AP1M1: variants seen among roughly 807,000 people sequenced by gnomAD.
The protein encoded by AP1M1 is adaptor related protein complex 1 subunit mu 1, also known as AP-1 complex subunit mu-1.
AP1M1 carries 18 observed loss-of-function variants against 57.1 expected under a neutral mutation model. The observed-to-expected ratio is 0.32, with a 90% confidence interval of 0.22 to 0.47. The LOEUF (loss-of-function observed/expected upper bound fraction) is 0.47, where lower values mean the gene tolerates loss of function less well. Among genes scored for constraint, AP1M1 ranks in the 20% least tolerant of loss-of-function variants. The pLI is 1.00. For missense variants in AP1M1, 362 were observed against 593.5 expected (o/e 0.61, Z 4.05); for synonymous variants, 241 against 237.9 (o/e 1.01, Z -0.12).
chr19:16,235,091 C>A lies in AP1M1; in HGVS notation c.*656C>A, dbSNP rs1482020862. The A allele has an allele frequency of 6.6e-6, 1 of 152,572 alleles. No individual in the cohort carries two copies. Among genetic ancestry groups the A allele is most frequent in the Non-Finnish European group, 1.5e-5 (1 of 68,320 alleles). 9.5% of individuals were successfully genotyped at this position (152,572 alleles called of 1,614,324 possible). A position where few individuals can be genotyped will look rare whatever the true frequency, so the allele number is the denominator to read the frequency against. The stretch of plus-strand genomic sequence containing the variant: ...GGGCCACTGTAGCGTCTGCCTGCTC[C>A]CTGGACTCGCAGGCCTCGCCTGTGG... On this transcript the variant is annotated 3_prime_UTR_variant, in exon 12 of 12. Transcript: ENST00000291439.
At chr19:16,205,272 A>C (rs2091464727) in intron 2 of AP1M1, among the ~76,000 whole-genome samples, 1 of 152,130 alleles carries the variant, frequency 6.6e-6, no homozygotes, top group Non-Finnish European at 1.5e-5. Flanking sequence ...ACACCTGGGC[A>C]TCTAGGGAAG....
rs1280262040 is a variant in AP1M1 at position 16,242,419 on chromosome 19, C to T, written c.*7984C>T. 2.0e-5 allele frequency: 3 copies of T among 152,158 alleles called. No individual in the cohort carries two copies. The highest frequency in any genetic ancestry group is 4.1e-4 in the South Asian group (2 of 4,830). The allele number at this position is 152,158 out of a possible 1,614,324, so 9.4% of individuals were successfully genotyped here. On this transcript the variant is annotated 3_prime_UTR_variant, in exon 12 of 12. Coordinates refer to ENST00000291439, the MANE Select transcript of AP1M1 (RefSeq NM_032493.4). Reference sequence around the variant, plus strand: ...AAACTGCACTGGGACTTTTGGGACACCCCTAGCATCTCTGGCTGCAGAAAG... The same window carrying T: ...AAACTGCACTGGGACTTTTGGGACATCCCTAGCATCTCTGGCTGCAGAAAG...
rs931650664 is a variant in AP1M1, at chr19:16,227,077, C to T, written c.674-471C>T. Reference sequence around the variant, plus strand: ...GCTGGGCATGCCCCCGTTCCTAGCCCGGTGAGGGCTTCTCGGGCATCAGTC... The same window carrying T: ...GCTGGGCATGCCCCCGTTCCTAGCCTGGTGAGGGCTTCTCGGGCATCAGTC... On this transcript the variant is annotated intron_variant, in intron 6 of 11. Coordinates refer to ENST00000291439, the MANE Select transcript of AP1M1 (RefSeq NM_032493.4). The surrounding 1 kb of genome is among the most constrained non-coding windows in gnomAD (Gnocchi z 6.2). Among the ~76,000 whole-genome samples the T allele has an allele frequency of 3.3e-5, 5 of 152,278 alleles. No homozygotes were observed. The highest frequency in any genetic ancestry group is 7.2e-5 in the African/African-American group (3 of 41,570).
Position 16,206,659 on chromosome 19 carries a change from C to T in AP1M1, c.267+251C>T, listed in dbSNP as rs1250902166. ...AAAGGTAGGGCTCAGAGCAGGGGTG[C>T]CCTGACCCTGGAAGGGACAAGCAGG... On this transcript the variant is annotated intron_variant, in intron 3 of 11. Transcript: ENST00000291439. This position sits in a 1 kb window ranked among gnomAD's most constrained non-coding sequence, Gnocchi z 4.3. Among the ~76,000 whole-genome samples the T allele has an allele frequency of 6.6e-6, 1 of 152,126 alleles. No homozygotes were observed. The highest frequency in any genetic ancestry group is 1.5e-5 in the Non-Finnish European group (1 of 68,028).
chr19:16,223,302 G>A (rs1000599645), intron 5 of AP1M1, among the ~76,000 whole-genome samples: 23 of 152,132 alleles, frequency 1.5e-4, no homozygotes, highest in Admixed American at 4.6e-4. Flanking sequence ...AAACTCTTTC[G>A]TAAGTCAAAC....
At chr19:16,221,004 T>G (rs1599461583) in intron 5 of AP1M1, among the ~76,000 whole-genome samples, 1 of 152,394 alleles carries the variant, frequency 6.6e-6, no homozygotes, top group Admixed American at 6.5e-5. Flanking sequence ...AGATGAGGTG[T>G]GCACATCTTT....
intron 2 of AP1M1, among the ~76,000 whole-genome samples, chr19:16,205,327 C>G (rs1212943717): frequency 6.6e-6 from 1 of 152,182 alleles, no homozygotes; most frequent in Non-Finnish European, 1.5e-5. Context: ...CATCGTTTCA[C>G]CCCCAGCCGG....
rs557581215 is a variant in AP1M1, at chr19:16,234,404, G to A, written c.1250-9G>A. ...GAGCCCAGCATGACGCCTCCCTCCT[G>A]TCTCCTAGATTACCAGCTCCGGACC... is the stretch of plus-strand genomic sequence containing the variant. On this transcript the variant is annotated splice_polypyrimidine_tract_variant and intron_variant, in intron 11 of 11. Transcript: ENST00000291439. 3 of 1,613,936 alleles carry A rather than the reference G, an allele frequency of 1.9e-6. No homozygotes were observed. The highest frequency in any genetic ancestry group is 2.2e-5 in the East Asian group (1 of 44,876).
chr19:16,231,812 G>T lies in AP1M1; in HGVS notation c.1048-1681G>T, dbSNP rs537389565. On this transcript the variant is annotated intron_variant, in intron 9 of 11. Coordinates refer to ENST00000291439, the MANE Select transcript of AP1M1 (RefSeq NM_032493.4). ...GTGTATCCCCAGAAGTGGAATTGCT[G>T]GATCATATGGTGATTCTATTTTCAA... Among the ~76,000 whole-genome samples, 195 of 152,312 alleles carry T rather than the reference G, an allele frequency of 1.3e-3. 7 individuals are homozygous for T. Among genetic ancestry groups the T allele is most frequent in the Non-Finnish European group, 1.0e-3 (68 of 68,026 alleles).
At chr19:16,208,239 G>T (rs566345983) in intron 4 of AP1M1, 90 bp downstream of exon 4, 3 of 1,419,498 alleles carry the variant, frequency 2.1e-6, no homozygotes, top group South Asian at 1.4e-5. Flanking sequence ...GGGCAAATTT[G>T]TGTTCATGTT....
chr19:16,225,540 TA>T (rs1456790354), intron 5 of AP1M1, among the ~76,000 whole-genome samples: 15 of 152,198 alleles, frequency 9.9e-5, no homozygotes, highest in African/African-American at 2.9e-4. Flanking sequence ...CAGGACAGGC[TA>T]GGGGGTGCAG....
Position 16,207,726 on chromosome 19 carries a change from A to G in AP1M1, c.268-293A>G, listed in dbSNP as rs981554889. On this transcript the variant is annotated intron_variant, in intron 3 of 11. Transcript: ENST00000291439. The surrounding 1 kb of genome is among the most constrained non-coding windows in gnomAD (Gnocchi z 4.2). ...AAAGGGATGACAGTTACAGTCGCTC[A>G]GGAGGGGCTGCCTGTCTGCGGGTGT... Among the ~76,000 whole-genome samples the G allele has an allele frequency of 1.3e-5, 2 of 152,102 alleles. No individual in the cohort carries two copies. Among genetic ancestry groups the G allele is most frequent in the African/African-American group, 4.8e-5 (2 of 41,400 alleles).
At chr19:16,218,262 G>C (rs577238507) in intron 5 of AP1M1, among the ~76,000 whole-genome samples, 1 of 152,316 alleles carries the variant, frequency 6.6e-6, no homozygotes, top group South Asian at 2.1e-4. Context: ...GCTCGCCCTT[G>C]AGTTCTTTCC....
chr19:16,238,006 T>C lies in AP1M1; in HGVS notation c.*3571T>C, dbSNP rs945957662. 34 of 151,980 alleles carry C rather than the reference T, an allele frequency of 2.2e-4. No individual in the cohort carries two copies. Among genetic ancestry groups the C allele is most frequent in the African/African-American group, 8.0e-4 (33 of 41,388 alleles). The allele number at this position is 151,980 out of a possible 1,614,324, so 9.4% of individuals were successfully genotyped here. On this transcript the variant is annotated 3_prime_UTR_variant, in exon 12 of 12. Transcript: ENST00000291439. ...AGCACATGCCACCATGCTGGGCCAA[T>C]TTTTCATATTTTTTATAGAGATGGG... is the stretch of plus-strand genomic sequence containing the variant.
Position 16,228,642 on chromosome 19 carries a change from G to A in AP1M1, c.889-128G>A. ...GCAGGAGAAGGGGTGGGTAGTGCCT[G>A]GAGAAGTGGGGCCAGGGGCGGGGCT... On this transcript the variant is annotated intron_variant, in intron 8 of 11. Transcript: ENST00000291439. This position sits in a 1 kb window ranked among gnomAD's most constrained non-coding sequence, Gnocchi z 5.0. 5 of 995,950 alleles carry A rather than the reference G, an allele frequency of 5.0e-6. No homozygotes were observed. The highest frequency in any genetic ancestry group is 5.9e-6 in the Non-Finnish European group (4 of 672,368). The allele number at this position is 995,950 out of a possible 1,614,324, so 61.7% of individuals were successfully genotyped here. A position where few individuals can be genotyped will look rare whatever the true frequency, so the allele number is the denominator to read the frequency against.
At chr19:16,210,803 A>C (rs1032943161) in intron 5 of AP1M1, among the ~76,000 whole-genome samples, 2 of 151,042 alleles carry the variant, frequency 1.3e-5, no homozygotes, top group Non-Finnish European at 3.0e-5. Flanking sequence ...CAGATGATCC[A>C]CCCGCCTCTG....
In AP1M1 at chr19:16,228,085, G is replaced by T. The variant is rs2091579012; in HGVS notation, c.817-52G>T. On this transcript the variant is annotated intron_variant, in intron 7 of 11. Transcript: ENST00000291439. This position sits in a 1 kb window ranked among gnomAD's most constrained non-coding sequence, Gnocchi z 5.0. The stretch of plus-strand genomic sequence containing the variant: ...GGCCTTGGTTTCCCCTCTGAAATGG[G>T]CCTTTGTCAAACAAGGCCAGGTGTG... The T allele has an allele frequency of 6.3e-7, 1 of 1,575,954 alleles. No homozygotes were observed. The highest frequency in any genetic ancestry group is 8.7e-7 in the Non-Finnish European group (1 of 1,148,542).
chr19:16,202,166 A>C (rs2091451319), intron 1 of AP1M1, among the ~76,000 whole-genome samples: 1 of 152,156 alleles, frequency 6.6e-6, no homozygotes, highest in South Asian at 2.1e-4. Flanking sequence ...CACCACCCCC[A>C]GTCTCGCCTT....
At position 16,207,943 on chromosome 19, in the gene AP1M1, C is replaced by G; in HGVS notation, c.268-76C>G. 2 of 1,528,224 alleles carry G rather than the reference C, an allele frequency of 1.3e-6. No individual in the cohort carries two copies. The highest frequency in any genetic ancestry group is 3.7e-5 in the Admixed American group (2 of 53,454). 94.7% of individuals were successfully genotyped at this position (1,528,224 alleles called of 1,614,324 possible). A position where few individuals can be genotyped will look rare whatever the true frequency, so the allele number is the denominator to read the frequency against. On this transcript the variant is annotated intron_variant, in intron 3 of 11. Coordinates refer to ENST00000291439, the MANE Select transcript of AP1M1 (RefSeq NM_032493.4). The surrounding 1 kb of genome is among the most constrained non-coding windows in gnomAD (Gnocchi z 4.2). Reference sequence around the variant, plus strand: ...GACTTAGCGGGCAAATGAATGTGTGCAAGCGTTCATTCATTCCTCATCCGT... The same window carrying G: ...GACTTAGCGGGCAAATGAATGTGTGGAAGCGTTCATTCATTCCTCATCCGT...
Sources: allele counts gnomAD v4.1 joint callset (sites outside exome capture counted in the v4.1 genomes callset), GRCh38; gene constraint gnomAD v4.1.1; non-coding constraint Gnocchi (gnomAD v3.1); transcripts MANE v1.5; gene names NCBI Gene and HGNC (gene_info 2026-07-23, HGNC 2026-07-21).